Variants in DMD observed in about 807,000 individuals in gnomAD.
DMD encodes mutant dystrophin.
In DMD, 63 loss-of-function variants were observed where a neutral mutation model predicts 330.1. The observed-to-expected ratio is 0.19, with a 90% CI of 0.16 to 0.24. The LOEUF (loss-of-function observed/expected upper bound fraction) is 0.24, where lower values mean the gene tolerates loss of function less well. Among genes scored for constraint, DMD ranks in the 10% least tolerant of loss-of-function variants. The pLI is 1.00. For missense variants in DMD, 3,344 were observed against 2,684.1 expected (o/e 1.25, Z -5.43); for synonymous variants, 1,223 against 959.8 (o/e 1.27, Z -5.07).
intron 52 of DMD, among the ~76,000 whole-genome samples, chrX:31,706,829 T>C (rs1026608437): frequency 3.6e-5 from 4 of 112,300 alleles, no homozygotes; most frequent in Non-Finnish European, 7.5e-5. Flanking sequence ...GACTAATACG[T>C]TAGCTGCAAA....
intron 7 of DMD, among the ~76,000 whole-genome samples, chrX:32,700,199 C>A (rs1476022155): frequency 3.6e-5 from 4 of 111,221 alleles, no homozygotes; most frequent in African/African-American, 1.3e-4. Context: ...TAAGTTCTGA[C>A]TATGAAATGC....
At chrX:32,643,841 T>A (rs1370303217) in intron 11 of DMD, among the ~76,000 whole-genome samples, 3 of 112,091 alleles carry the variant, frequency 2.7e-5, no homozygotes, top group Admixed American at 9.5e-5. Context: ...TATAGTGACA[T>A]TTTAATGTTT....
At chrX:32,507,901 A>G (rs969386733) in intron 18 of DMD, among the ~76,000 whole-genome samples, 10 of 111,168 alleles carry the variant, frequency 9.0e-5, no homozygotes, top group Admixed American at 6.8e-4. Flanking sequence ...TTTAGATTCA[A>G]TATTAGAACC....
At chrX:31,654,653 C>A (rs775447943) in intron 54 of DMD, among the ~76,000 whole-genome samples, 1 of 111,371 alleles carries the variant, frequency 9.0e-6, no homozygotes, top group South Asian at 3.8e-4. Context: ...CAAACTAATA[C>A]AGGAACAAAA....
At chrX:32,187,826 T>A (rs2096954486) in intron 44 of DMD, among the ~76,000 whole-genome samples, 1 of 111,182 alleles carries the variant, frequency 9.0e-6, no homozygotes, top group Non-Finnish European at 1.9e-5. Context: ...GGAGAAAAGA[T>A]GGGAAAACGG....
intron 42 of DMD, among the ~76,000 whole-genome samples, chrX:32,290,517 G>A (rs765525125): frequency 2.2e-4 from 25 of 111,561 alleles, no homozygotes; most frequent in Admixed American, 1.2e-3. Flanking sequence ...TCTATTTAAC[G>A]GAAAAATCAC....
At chrX:31,731,683 T>C (rs1217040429) in intron 51 of DMD, among the ~76,000 whole-genome samples, 2 of 111,823 alleles carry the variant, frequency 1.8e-5, no homozygotes, top group Non-Finnish European at 3.8e-5. Flanking sequence ...GTAACTCACA[T>C]GAAAAATCGT....
At chrX:31,317,715 G>A (rs1409844295) in intron 62 of DMD, among the ~76,000 whole-genome samples, 2 of 110,557 alleles carry the variant, frequency 1.8e-5, no homozygotes, top group African/African-American at 3.3e-5. Context: ...GTTTCACCAT[G>A]TTAGCCAGGA....
chrX:31,950,684 G>A (rs192489543), intron 45 of DMD, among the ~76,000 whole-genome samples: 135 of 110,349 alleles, frequency 1.2e-3, no homozygotes, highest in African/African-American at 4.0e-3. Context: ...AATTATATAC[G>A]TTTATAATTG....
intron 46 of DMD, among the ~76,000 whole-genome samples, chrX:31,930,625 C>G (rs1365037810): frequency 1.8e-5 from 2 of 111,910 alleles, no homozygotes; most frequent in Non-Finnish European, 3.8e-5. Flanking sequence ...GACCAACTCT[C>G]CAGGTATTCA....
At chrX:31,644,658 A>C (rs1414226590) in intron 54 of DMD, among the ~76,000 whole-genome samples, 1 of 112,038 alleles carries the variant, frequency 8.9e-6, no homozygotes, top group Non-Finnish European at 1.9e-5. Flanking sequence ...TACCATTATC[A>C]ATTAAGGGCT....
intron 44 of DMD, among the ~76,000 whole-genome samples, chrX:32,084,960 C>G (rs758696430): frequency 3.6e-4 from 40 of 111,396 alleles, no homozygotes; most frequent in African/African-American, 1.2e-3. Context: ...CTCTATCTGC[C>G]CAGTAAAAGG....
chrX:32,865,313 T>G lies in DMD; in HGVS notation c.94-15493A>C, dbSNP rs188177917. 2.0e-3 allele frequency among the ~76,000 whole-genome samples: 226 copies of G among 110,540 alleles called. 1 individual carries two copies. Among genetic ancestry groups the G allele is most frequent in the African/African-American group, 7.4e-3 (218 of 29,568 alleles). ...ATTATAGCATGGTGTTATAATCCTA[T>G]TAATAGTGATTTTTTTGTCGTAAGT... On this transcript the variant is annotated intron_variant, in intron 2 of 78. Coordinates refer to ENST00000357033, the MANE Select transcript of DMD (RefSeq NM_004006.3).
intron 43 of DMD, among the ~76,000 whole-genome samples, chrX:32,231,481 A>G (rs759159349): frequency 1.5e-4 from 17 of 112,187 alleles, no homozygotes; most frequent in Admixed American, 4.7e-4. Flanking sequence ...TCCCTTTTAC[A>G]TGGGACTCAT....
intron 15 of DMD, among the ~76,000 whole-genome samples, chrX:32,572,660 C>T (rs894528740): frequency 1.8e-5 from 2 of 108,909 alleles, no homozygotes; most frequent in Non-Finnish European, 3.8e-5. Context: ...TCAAAACACT[C>T]GAGGTATTTA....
chrX:32,256,312 GTTT>G (rs34367828), intron 43 of DMD, among the ~76,000 whole-genome samples: 1 of 102,420 alleles, frequency 9.8e-6, no homozygotes, highest in Admixed American at 1.0e-4. Flanking sequence ...TGTAACCCCT[GTTT>G]TTTTTTTTAT....
At chrX:32,021,825 C>T (rs764484781) in intron 44 of DMD, among the ~76,000 whole-genome samples, 5 of 111,540 alleles carry the variant, frequency 4.5e-5, no homozygotes, top group African/African-American at 1.3e-4. Context: ...TTGAAAACTA[C>T]GTATTTGACT....
intron 44 of DMD, among the ~76,000 whole-genome samples, chrX:31,988,808 G>A (rs953068256): frequency 5.5e-5 from 6 of 108,729 alleles, no homozygotes; most frequent in South Asian, 4.0e-4. Flanking sequence ...TCTCTCTCTC[G>A]AAACCAGAGA....
At chrX:31,183,488 T>C (rs1447018158) in intron 67 of DMD, among the ~76,000 whole-genome samples, 2 of 111,498 alleles carry the variant, frequency 1.8e-5, no homozygotes, top group Non-Finnish European at 3.8e-5. Context: ...GGCTTAGCGC[T>C]GTTTTCATGA....
Sources: gnomAD v4.1 joint callset for allele counts (sites outside exome capture counted in the v4.1 genomes callset) on GRCh38, gnomAD v4.1.1 for gene constraint, MANE v1.5 for transcripts, NCBI Gene and HGNC (gene_info 2026-07-23, HGNC 2026-07-21) for gene names.